Variants in NRG1 observed in about 807,000 individuals in gnomAD.
The protein encoded by NRG1 is pro-neuregulin-1, membrane-bound isoform.
A neutral mutation model predicts 63.8 loss-of-function variants in NRG1; 18 were observed. The observed-to-expected ratio is 0.28, with a 90% CI of 0.19 to 0.42. NRG1 has a LOEUF of 0.42. NRG1 is among the 10% of genes least tolerant of loss of function. The pLI is 1.00. For missense variants in NRG1, 762 were observed against 814.7 expected, an observed-to-expected ratio of 0.94 and a Z score of 0.79; for synonymous variants, 302 against 301.3, an observed-to-expected ratio of 1.00 and a Z score of -0.02.
chr8:32,684,153 G>A (rs760631367), intron 5 of NRG1, among the ~76,000 whole-genome samples: 6 of 152,130 alleles, frequency 3.9e-5, no homozygotes, highest in Non-Finnish European at 7.4e-5. Flanking sequence ...ACAATACAGC[G>A]AGACTTTATC....
intron 4 of NRG1, among the ~76,000 whole-genome samples, chr8:32,615,452 T>G (rs531860817): frequency 1.3e-5 from 2 of 152,226 alleles, no homozygotes; most frequent in African/African-American, 4.8e-5. Flanking sequence ...CAAGACATCA[T>G]TTTTCCTCAT....
intron 1 of NRG1, among the ~76,000 whole-genome samples, chr8:31,970,249 C>G (rs545302490): frequency 6.6e-6 from 1 of 152,220 alleles, no homozygotes; most frequent in African/African-American, 2.4e-5. Context: ...CAACCATTTT[C>G]AGGATATAAT....
At chr8:31,781,363 T>A (rs1024119396) in intron 1 of NRG1, among the ~76,000 whole-genome samples, 14 of 152,208 alleles carry the variant, frequency 9.2e-5, no homozygotes, top group African/African-American at 3.1e-4. Context: ...CTGATCTTTA[T>A]AGTCACTGGC....
At chr8:31,862,048 C>T (rs546789031) in intron 1 of NRG1, among the ~76,000 whole-genome samples, 12 of 152,264 alleles carry the variant, frequency 7.9e-5, no homozygotes, top group Admixed American at 5.2e-4. Flanking sequence ...GGTTTCATCT[C>T]TTGCTTGGGT....
intron 1 of NRG1, among the ~76,000 whole-genome samples, chr8:32,397,493 T>C (rs1812592309): frequency 6.6e-6 from 1 of 150,444 alleles, no homozygotes; most frequent in African/African-American, 2.5e-5. Flanking sequence ...TGTTTGTTAA[T>C]GTTATATATG....
intron 1 of NRG1, among the ~76,000 whole-genome samples, chr8:31,803,908 C>A (rs1172410625): frequency 6.6e-6 from 1 of 152,154 alleles, no homozygotes; most frequent in Admixed American, 6.5e-5. Context: ...TAAGTGTTTG[C>A]AGTTAGCTCT....
At chr8:31,787,269 G>C (rs1423988814) in intron 1 of NRG1, among the ~76,000 whole-genome samples, 1 of 152,188 alleles carries the variant, frequency 6.6e-6, no homozygotes, top group Non-Finnish European at 1.5e-5. Flanking sequence ...TCTTTTTAGA[G>C]ATCTATTGCA....
intron 5 of NRG1, among the ~76,000 whole-genome samples, chr8:32,716,903 T>C (rs1024081532): frequency 1.3e-5 from 2 of 151,996 alleles, no homozygotes; most frequent in African/African-American, 4.8e-5. Context: ...TTTAATATTA[T>C]GTAATGTAGA....
At chr8:31,946,390 T>C (rs1247721550) in intron 1 of NRG1, among the ~76,000 whole-genome samples, 1 of 152,192 alleles carries the variant, frequency 6.6e-6, no homozygotes, top group Admixed American at 6.5e-5. Flanking sequence ...ATAATGTGTA[T>C]GGAAGATCAT....
intron 1 of NRG1, among the ~76,000 whole-genome samples, chr8:31,855,628 G>T (rs1827778144): frequency 6.6e-6 from 1 of 152,094 alleles, no homozygotes; most frequent in Non-Finnish European, 1.5e-5. Context: ...AGTTAATATT[G>T]TTATGTGTGA....
At chr8:31,778,850 T>C (rs984675717) in intron 1 of NRG1, among the ~76,000 whole-genome samples, 3 of 152,248 alleles carry the variant, frequency 2.0e-5, no homozygotes, top group South Asian at 2.1e-4. Flanking sequence ...AGGACTGTTA[T>C]TGCTGTGCTT....
At chr8:32,392,385 A>T (rs574478701) in intron 1 of NRG1, among the ~76,000 whole-genome samples, 1 of 152,364 alleles carries the variant, frequency 6.6e-6, no homozygotes, top group South Asian at 2.1e-4. Flanking sequence ...CATATAGCTC[A>T]TCAACATGAA....
chr8:32,374,483 G>A (rs141878696), intron 1 of NRG1, among the ~76,000 whole-genome samples: 49 of 152,266 alleles, frequency 3.2e-4, no homozygotes, highest in African/African-American at 9.1e-4. Context: ...TATCTGTGTC[G>A]CACTCACTCT....
chr8:31,861,251 A>G (rs140488839), intron 1 of NRG1, among the ~76,000 whole-genome samples: 1 of 152,254 alleles, frequency 6.6e-6, no homozygotes, highest in African/African-American at 2.4e-5. Context: ...TACTGAGTAG[A>G]TTATGGTGCC....
chr8:32,625,782 TTTTTTC>T lies in NRG1; in HGVS notation c.502+8903_502+8908del, dbSNP rs1486556073. ...CTGAAAACTTTCCCTCTCTTTTTTT[TTTTTTC>T]TTTTTTCTTTTTTTTTTTTTTCTTG... On this transcript the variant is annotated intron_variant, in intron 5 of 11. Transcript: ENST00000356819. Among the ~76,000 whole-genome samples the T allele has an allele frequency of 1.4e-3, 186 of 133,976 alleles. 2 individuals are homozygous for T. Among genetic ancestry groups the T allele is most frequent in the African/African-American group, 4.4e-3 (170 of 38,270 alleles). 87.9% of individuals were successfully genotyped at this position (133,976 alleles called of 152,430 possible).
chr8:31,763,127 A>G (rs1817718970), intron 1 of NRG1, among the ~76,000 whole-genome samples: 1 of 152,226 alleles, frequency 6.6e-6, no homozygotes, highest in South Asian at 2.1e-4. Flanking sequence ...ACTCCTGTTC[A>G]TGATTAAATC....
chr8:32,191,571 C>T (rs1363631115), intron 1 of NRG1, among the ~76,000 whole-genome samples: 3 of 152,124 alleles, frequency 2.0e-5, no homozygotes, highest in Non-Finnish European at 4.4e-5. Flanking sequence ...AAAATTTTTC[C>T]TTGCTTCCTT....
chr8:32,743,062 T>C (rs1826717972), intron 7 of NRG1: 1 of 1,106,158 alleles, frequency 9.0e-7, no homozygotes, highest in Non-Finnish European at 1.1e-6. Flanking sequence ...CTCACTTTTA[T>C]TGATAAAATA....
intron 1 of NRG1, among the ~76,000 whole-genome samples, chr8:31,697,106 G>T (rs1425523982): frequency 1.3e-5 from 2 of 152,076 alleles, no homozygotes; most frequent in Non-Finnish European, 2.9e-5. Flanking sequence ...AAAACTACTG[G>T]CTCTGAAGCA....
Sources: allele counts gnomAD v4.1 joint callset (sites outside exome capture counted in the v4.1 genomes callset), GRCh38; gene constraint gnomAD v4.1.1; transcripts MANE v1.5; gene names NCBI Gene and HGNC (gene_info 2026-07-23, HGNC 2026-07-21).